The following FGF14 variants were observed in gnomAD, a reference collection of about 807,000 sequenced individuals.
The protein encoded by FGF14 is fibroblast growth factor homologous factor 4.
FGF14 carries 5 observed loss-of-function variants against 25.5 expected under a neutral mutation model. The observed-to-expected ratio is 0.20, with a 90% CI of 0.10 to 0.41. The LOEUF is 0.41. Among genes scored for constraint, FGF14 ranks in the 10% least tolerant of loss-of-function variants. The pLI is 1.00. For synonymous variants in FGF14, 138 were observed against 118.3 expected (o/e 1.17, Z -1.08); for missense variants, 222 against 320.1 (o/e 0.69, Z 2.34).
At chr13:102,071,971 T>A (rs912084500) in intron 1 of FGF14, among the ~76,000 whole-genome samples, 3 of 152,062 alleles carry the variant, frequency 2.0e-5, no homozygotes, top group Admixed American at 2.0e-4. Context: ...ACCCCCAGCA[T>A]ATAAAAAAGT....
chr13:102,164,318 C>A (rs1175312306), intron 1 of FGF14, among the ~76,000 whole-genome samples: 1 of 152,160 alleles, frequency 6.6e-6, no homozygotes, highest in Non-Finnish European at 1.5e-5. Context: ...GCACTGCTGA[C>A]AATCAATGAA....
At chr13:102,332,311 C>A (rs1472856879) in intron 1 of FGF14, among the ~76,000 whole-genome samples, 1 of 151,982 alleles carries the variant, frequency 6.6e-6, no homozygotes, top group African/African-American at 2.4e-5. Flanking sequence ...AGTTGACTGT[C>A]CATTTCCCCA....
intron 1 of FGF14, among the ~76,000 whole-genome samples, chr13:101,906,175 T>C (rs2032217579): frequency 6.6e-6 from 1 of 152,176 alleles, no homozygotes; most frequent in South Asian, 2.1e-4. Flanking sequence ...ATGCATTCAG[T>C]CTTCTCTACC....
upstream of FGF14, chr13:102,402,017 G>A (rs1242145768): frequency 1.6e-5 from 5 of 320,942 alleles, no homozygotes; most frequent in Admixed American, 2.6e-4. Context: ...ACTGAGAGAA[G>A]ACTGCCATTG....
intron 1 of FGF14, among the ~76,000 whole-genome samples, chr13:102,295,252 G>C (rs114701576): frequency 0.012 from 1,847 of 152,232 alleles, 34 homozygotes; most frequent in African/African-American, 0.042. Context: ...CTCGGGGCAT[G>C]GAGATGTTCT....
At chr13:101,846,595 T>C (rs988397504) in intron 3 of FGF14, among the ~76,000 whole-genome samples, 2 of 152,034 alleles carry the variant, frequency 1.3e-5, no homozygotes, top group African/African-American at 2.4e-5. Flanking sequence ...AGTGGGCACA[T>C]AGGATGACCT....
intron 1 of FGF14, among the ~76,000 whole-genome samples, chr13:102,179,547 T>C (rs1002581448): frequency 3.3e-5 from 5 of 152,148 alleles, no homozygotes; most frequent in African/African-American, 7.2e-5. Context: ...ATAACACTTA[T>C]ATAATGCTTA....
At chr13:101,954,698 A>AAG (rs1261231660) in intron 1 of FGF14, among the ~76,000 whole-genome samples, 2 of 114,588 alleles carry the variant, frequency 1.7e-5, no homozygotes, top group Non-Finnish European at 3.4e-5. Context: ...AATTCACTGA[A>AAG]AGTGTGTGTG....
At chr13:101,965,016 C>A (rs2037097133) in intron 1 of FGF14, among the ~76,000 whole-genome samples, 2 of 152,038 alleles carry the variant, frequency 1.3e-5, no homozygotes, top group African/African-American at 4.8e-5. Flanking sequence ...GCAAGGCAGG[C>A]AAACCACTTG....
chr13:102,259,864 TTA>T (rs958434866), intron 1 of FGF14, among the ~76,000 whole-genome samples: 1 of 152,224 alleles, frequency 6.6e-6, no homozygotes, highest in Non-Finnish European at 1.5e-5. Flanking sequence ...ACCCATTGCT[TTA>T]TGTCTTTGCT....
At chr13:101,758,473 T>C (rs557075851) in intron 3 of FGF14, among the ~76,000 whole-genome samples, 11 of 152,224 alleles carry the variant, frequency 7.2e-5, no homozygotes, top group Non-Finnish European at 1.2e-4. Context: ...ATTCCTTCAG[T>C]GTGAGTATGA....
rs111382410 is a variant in FGF14, at chr13:101,714,655, C to T, written c.*8176G>A. On this transcript the variant is annotated 3_prime_UTR_variant, in exon 5 of 5. Coordinates refer to ENST00000376143, the MANE Select transcript of FGF14 (RefSeq NM_004115.4). ...AGGTGGCTGGACCAACAGGGCCAAC[C>T]GTGAATATGAAATATCTACCAAAGG... 9.0e-5 allele frequency: 65 copies of T among 721,182 alleles called. No individual in the cohort carries two copies. The highest frequency in any genetic ancestry group is 4.7e-4 in the African/African-American group (27 of 56,964). The allele number at this position is 721,182 out of a possible 1,614,324, so 44.7% of individuals were successfully genotyped here. A position where few individuals can be genotyped will look rare whatever the true frequency, so the allele number is the denominator to read the frequency against.
At chr13:102,160,829 T>C (rs1207186802) in intron 1 of FGF14, among the ~76,000 whole-genome samples, 4 of 151,936 alleles carry the variant, frequency 2.6e-5, no homozygotes, top group Non-Finnish European at 5.9e-5. Flanking sequence ...AAAACAGTGC[T>C]TATAAAGTGG....
At chr13:102,147,170 C>T (rs909948085) in intron 1 of FGF14, among the ~76,000 whole-genome samples, 3 of 152,218 alleles carry the variant, frequency 2.0e-5, no homozygotes, top group Admixed American at 1.3e-4. Context: ...AAGAACCTTA[C>T]TTGTGTCTAG....
chr13:101,967,316 G>C (rs1360499537), intron 1 of FGF14, among the ~76,000 whole-genome samples: 1 of 152,142 alleles, frequency 6.6e-6, no homozygotes, highest in Non-Finnish European at 1.5e-5. Context: ...GATAATCCTT[G>C]TATACATTAA....
At chr13:101,840,139 C>G (rs947015162) in intron 3 of FGF14, among the ~76,000 whole-genome samples, 1 of 151,790 alleles carries the variant, frequency 6.6e-6, no homozygotes, top group Non-Finnish European at 1.5e-5. Flanking sequence ...AAAGTGGACA[C>G]CTGATGATAT....
At chr13:102,387,046 C>A (rs2058321698) in intron 1 of FGF14, among the ~76,000 whole-genome samples, 2 of 152,074 alleles carry the variant, frequency 1.3e-5, no homozygotes, top group African/African-American at 2.4e-5. Context: ...TGCTTGTGGC[C>A]CTATAAATAC....
chr13:101,875,083 A>G, intron 2 of FGF14, 103 bp downstream of exon 2: 2 of 804,654 alleles, frequency 2.5e-6, no homozygotes, highest in Non-Finnish European at 4.4e-6. Flanking sequence ...TGTAAAGATG[A>G]ACCAACACGA....
At chr13:101,931,058 C>T (rs921052534) in intron 1 of FGF14, among the ~76,000 whole-genome samples, 5 of 152,254 alleles carry the variant, frequency 3.3e-5, no homozygotes, top group Admixed American at 1.3e-4. Context: ...TATTGCCCAT[C>T]GGAACAAAAT....
Sources: gnomAD v4.1 joint callset for allele counts (sites outside exome capture counted in the v4.1 genomes callset) on GRCh38, gnomAD v4.1.1 for gene constraint, MANE v1.5 for transcripts, NCBI Gene and HGNC (gene_info 2026-07-23, HGNC 2026-07-21) for gene names.